Variants in HAUS3 observed in about 807,000 individuals in gnomAD.
HAUS3 encodes the protein HAUS augmin like complex subunit 3.
A neutral mutation model predicts 55.2 loss-of-function variants in HAUS3; 36 were observed. That is an observed-to-expected ratio of 0.65 (90% CI 0.50 to 0.86). HAUS3 has a LOEUF of 0.86. Ranked by LOEUF, HAUS3 falls within the 40% of genes least tolerant of loss-of-function variation. HAUS3 has a pLI of 0.00. For synonymous variants in HAUS3, 234 were observed against 238.6 expected (o/e 0.98, Z 0.18); for missense variants, 752 against 671.5 (o/e 1.12, Z -1.33).
chr4:2,236,651 G>C (rs577336837), intron 4 of HAUS3, among the ~76,000 whole-genome samples, 195 bp from the exon 5 acceptor site: 3 of 152,026 alleles, frequency 2.0e-5, no homozygotes, highest in Non-Finnish European at 4.4e-5. Context: ...CTGAGCTCAG[G>C]AGTTCGAGAC....
At chr4:2,234,925 G>A (rs897264866) in intron 5 of HAUS3, among the ~76,000 whole-genome samples, 4 of 152,102 alleles carry the variant, frequency 2.6e-5, no homozygotes, top group Admixed American at 2.0e-4. Flanking sequence ...TTGCTCTGTC[G>A]CCCAGGCTGG....
intron 4 of HAUS3, among the ~76,000 whole-genome samples, chr4:2,237,646 C>G (rs1734814143): frequency 2.6e-5 from 4 of 152,076 alleles, no homozygotes. Context: ...AGACTTATTT[C>G]CACATCTTAA....
intron 1 of HAUS3, 104 bp from the exon 2 acceptor site, chr4:2,241,894 G>A: frequency 2.0e-6 from 2 of 985,508 alleles, no homozygotes; most frequent in Non-Finnish European, 2.4e-6. Flanking sequence ...TCCTCGCCCA[G>A]CGGACCGGGC....
intron 2 of HAUS3, 41 bp from the exon 3 acceptor site, chr4:2,241,134 GAC>G: frequency 2.0e-6 from 1 of 510,882 alleles, no homozygotes. Context: ...CAAATATGAC[GAC>G]AGTGTTTTTA....
Position 2,240,114 on chromosome 4 carries a change from T to C in HAUS3, c.833A>G (p.His278Arg). 6.2e-7 allele frequency: 1 copy of C among 1,614,054 alleles called. No homozygotes were observed. Among genetic ancestry groups the C allele is most frequent in the Non-Finnish European group, 8.5e-7 (1 of 1,179,904 alleles). ...CATGCTCGAATTACTTGCTTTTAAG[T>C]GAATTAACTGATGTTGAGCACAAAT... ...AYICAQHQLI[H>R]LKASNSSMKS... Residue 278 changes from histidine to arginine, a missense_variant, in exon 3 of 6, where the codon CAC (histidine) becomes CGC (arginine). By Grantham distance (29) the His-to-Arg change is conservative (BLOSUM62 0). Transcript: ENST00000443786.
intron 5 of HAUS3, among the ~76,000 whole-genome samples, chr4:2,235,967 A>G (rs1017905118): frequency 3.9e-5 from 6 of 152,082 alleles, no homozygotes; most frequent in Non-Finnish European, 8.8e-5. Flanking sequence ...GGTTTTATTT[A>G]TTTTTTAACA....
chr4:2,232,780 T>C lies in HAUS3; in HGVS notation c.1579-620A>G, dbSNP rs148396437. Among the ~76,000 whole-genome samples the C allele has an allele frequency of 7.8e-3, 1,186 of 152,300 alleles. 10 individuals are homozygous for C. Among genetic ancestry groups the C allele is most frequent in the Non-Finnish European group, 9.8e-3 (666 of 67,998 alleles). On this transcript the variant is annotated intron_variant, in intron 5 of 5. Transcript: ENST00000443786. The stretch of plus-strand genomic sequence containing the variant: ...CAGTAAATTCAAATTCCTCAGTGTC[T>C]AGCATTTAAACCAGATTATTAACAA...
rs1377802003 is a variant in HAUS3, at chr4:2,240,273, C to T, written c.674G>A (p.Gly225Asp). The T allele has an allele frequency of 6.2e-7, 1 of 1,613,564 alleles. No homozygotes were observed. Among genetic ancestry groups the T allele is most frequent in the South Asian group, 1.1e-5 (1 of 91,036 alleles). Reference sequence around the variant, plus strand: ...TGAACTTTCAACTACTTCATGTATACCCTGAAAGAACTGTTTTTTGGTATA... The same window carrying T: ...TGAACTTTCAACTACTTCATGTATATCCTGAAAGAACTGTTTTTTGGTATA... ...TLYTKKQFFQGIHEVVESSNE... is the reference protein window; with the variant it reads ...TLYTKKQFFQDIHEVVESSNE... The change falls in exon 3 of 6, where the codon GGT (glycine) becomes GAT (aspartate). Residue 225 changes from glycine to aspartate, a missense_variant. By Grantham distance (94) the Gly-to-Asp change is moderately conservative. Coordinates refer to ENST00000443786, the MANE Select transcript of HAUS3 (RefSeq NM_001303143.2).
At chr4:2,241,839 T>C in intron 1 of HAUS3, 49 bp from the exon 2 acceptor site, 1 of 985,378 alleles carries the variant, frequency 1.0e-6, no homozygotes, top group Non-Finnish European at 1.2e-6. Flanking sequence ...GACACCGAGC[T>C]GCAGAAGACG....
At position 2,240,135 on chromosome 4, in the gene HAUS3, C is replaced by T; in HGVS notation, c.812G>A (p.Cys271Tyr). 1.2e-6 allele frequency: 2 copies of T among 1,613,930 alleles called. No individual in the cohort carries two copies. Among genetic ancestry groups the T allele is most frequent in the Non-Finnish European group, 1.7e-6 (2 of 1,179,820 alleles). Residue 271 changes from cysteine to tyrosine, a missense_variant, in exon 3 of 6, where the codon TGT (cysteine) becomes TAT (tyrosine). Cys to Tyr is a radical substitution (Grantham distance 194, BLOSUM62 -2). Transcript: ENST00000443786. ...TAAGTGAATTAACTGATGTTGAGCA[C>T]AAATGTATGCGAGCTGCAGTCTAGC... is the stretch of plus-strand genomic sequence containing the variant. ...EMARLQLAYI[C>Y]AQHQLIHLKA...
intron 5 of HAUS3, among the ~76,000 whole-genome samples, chr4:2,234,948 C>A (rs1161283855): frequency 6.6e-6 from 1 of 152,148 alleles, no homozygotes; most frequent in Non-Finnish European, 1.5e-5. Context: ...TGCAGTGGCG[C>A]GATCTTGACT....
chr4:2,239,684 G>A (rs1434863526), intron 3 of HAUS3, among the ~76,000 whole-genome samples: 3 of 152,146 alleles, frequency 2.0e-5, no homozygotes, highest in African/African-American at 7.2e-5. Flanking sequence ...AGCAAACGAG[G>A]CAGAATACCC....
Position 2,231,764 on chromosome 4 carries a change from G to C in HAUS3, c.*163C>G. 2.0e-6 allele frequency: 1 copy of C among 507,262 alleles called. No homozygotes were observed. The allele number at this position is 507,262 out of a possible 1,614,324, so 31.4% of individuals were successfully genotyped here. On this transcript the variant is annotated 3_prime_UTR_variant, in exon 6 of 6. Transcript: ENST00000443786. ...AAGTCATAAAAAGCACTGGTATTCT[G>C]AATGTACTACATGAGAAAAAAGACA...
Position 2,229,343 on chromosome 4 carries a change from T to C in HAUS3, c.*2584A>G. On this transcript the variant is annotated 3_prime_UTR_variant, in exon 6 of 6. Transcript: ENST00000443786. ...TCAAAAATTTATATACCAACTTTCATTTAAAATGTCTATATTCATAACCAC... is the reference window on the plus strand; with the variant it reads ...TCAAAAATTTATATACCAACTTTCACTTAAAATGTCTATATTCATAACCAC... 1.0e-6 allele frequency: 1 copy of C among 979,688 alleles called. No individual in the cohort carries two copies. Among genetic ancestry groups the C allele is most frequent in the Non-Finnish European group, 1.4e-6 (1 of 696,092 alleles). 60.7% of individuals were successfully genotyped at this position (979,688 alleles called of 1,614,324 possible). A position where few individuals can be genotyped will look rare whatever the true frequency, so the allele number is the denominator to read the frequency against.
In HAUS3 at chr4:2,240,983, G is replaced by A. The variant is rs1012391255; in HGVS notation, c.-37C>T. On this transcript the variant is annotated 5_prime_UTR_variant, in exon 3 of 6. Transcript: ENST00000443786. ...CCCCAATTTTGTTGTATCTGATATG[G>A]GTTTACGGTGTTGATTTTTAGAAAA... 1 of 1,440,136 alleles carries A rather than the reference G, an allele frequency of 6.9e-7. No individual in the cohort carries two copies. Among genetic ancestry groups the A allele is most frequent in the Non-Finnish European group, 9.4e-7 (1 of 1,063,044 alleles). The allele number at this position is 1,440,136 out of a possible 1,614,324, so 89.2% of individuals were successfully genotyped here. A position where few individuals can be genotyped will look rare whatever the true frequency, so the allele number is the denominator to read the frequency against.
chr4:2,235,442 G>A (rs1299540271), intron 5 of HAUS3, among the ~76,000 whole-genome samples: 1 of 152,210 alleles, frequency 6.6e-6, no homozygotes, highest in African/African-American at 2.4e-5. Flanking sequence ...GACCATCATA[G>A]CAGTATGATC....
At chr4:2,239,981 C>G (rs1415889254) in intron 3 of HAUS3, 57 bp downstream of exon 3, 4 of 1,324,700 alleles carry the variant, frequency 3.0e-6, no homozygotes, top group African/African-American at 2.9e-5. Flanking sequence ...GCAATATTAT[C>G]TCCTCTATTC....
chr4:2,240,437 A>T lies in HAUS3; in HGVS notation c.510T>A (p.Thr170=). 6.2e-7 allele frequency: 1 copy of T among 1,613,908 alleles called. No homozygotes were observed. The highest frequency in any genetic ancestry group is 8.5e-7 in the Non-Finnish European group (1 of 1,179,920). The change falls in exon 3 of 6, where the codon ACT becomes ACA. Residue 170 remains threonine (T), a synonymous_variant. Coordinates refer to ENST00000443786, the MANE Select transcript of HAUS3 (RefSeq NM_001303143.2). ...ACATCATCAATTGTGTAACTTCATC[A>T]GTAAGAGCCTGAAGTTCATTACTGA... ...TKISNELQAL[T]DEVTQLMMFF... is the part of the protein sequence containing the mutation.
At chr4:2,233,268 T>C (rs553286996) in intron 5 of HAUS3, among the ~76,000 whole-genome samples, 2 of 152,280 alleles carry the variant, frequency 1.3e-5, no homozygotes, top group East Asian at 3.9e-4. Flanking sequence ...GATCATACAG[T>C]TGCTAAAACA....
Sources: gnomAD v4.1 joint callset for allele counts (sites outside exome capture counted in the v4.1 genomes callset) on GRCh38, gnomAD v4.1.1 for gene constraint, MANE v1.5 for transcripts, NCBI Gene and HGNC (gene_info 2026-07-23, HGNC 2026-07-21) for gene names.